The following SLC5A12 variants were observed in gnomAD, a reference collection of about 807,000 sequenced individuals.
The protein encoded by SLC5A12 is solute carrier family 5 member 12, also known as sodium-coupled monocarboxylate transporter 2.
Under a neutral mutation model 72.7 loss-of-function variants are expected in SLC5A12, and 46 were observed. That is an observed-to-expected ratio of 0.63 (90% CI 0.50 to 0.81). The LOEUF is 0.81. SLC5A12 is among the 30% of genes least tolerant of loss of function. The pLI is 0.00. For missense variants in SLC5A12, 683 were observed against 740.7 expected (o/e 0.92, Z 0.90); for synonymous variants, 275 against 264.4 (o/e 1.04, Z -0.39).
At chr11:26,711,882 A>G (rs1855238102) in intron 2 of SLC5A12, among the ~76,000 whole-genome samples, 1 of 152,108 alleles carries the variant, frequency 6.6e-6, no homozygotes. Context: ...CAGAAGTGCA[A>G]CCACTACCCT....
chr11:26,713,034 TC>T, intron 1 of SLC5A12, among the ~76,000 whole-genome samples: 1 of 152,264 alleles, frequency 6.6e-6, no homozygotes, highest in Admixed American at 6.5e-5. Context: ...TCTTTGCTGC[TC>T]CAAATTTAGT....
intron 13 of SLC5A12, among the ~76,000 whole-genome samples, chr11:26,673,975 A>C (rs910746158): frequency 6.6e-6 from 1 of 152,042 alleles, no homozygotes; most frequent in Admixed American, 6.6e-5. Context: ...CTTTCACCCT[A>C]ACATCCTGAA....
intron 9 of SLC5A12, among the ~76,000 whole-genome samples, chr11:26,686,870 C>T (rs1485291152): frequency 2.0e-5 from 3 of 152,120 alleles, no homozygotes; most frequent in Admixed American, 6.5e-5. Flanking sequence ...CTAATCTAGA[C>T]AAAATTAGTG....
At chr11:26,700,646 C>T (rs1053882853) in intron 6 of SLC5A12, among the ~76,000 whole-genome samples, 6 of 152,074 alleles carry the variant, frequency 3.9e-5, no homozygotes, top group African/African-American at 4.8e-5. Context: ...GGACGTGATA[C>T]CCTGCATCAA....
At chr11:26,711,781 G>C (rs1397204213) in intron 2 of SLC5A12, among the ~76,000 whole-genome samples, 1 of 152,038 alleles carries the variant, frequency 6.6e-6, no homozygotes, top group African/African-American at 2.4e-5. Context: ...GAATTTAGAG[G>C]TGAGATAGAA....
In SLC5A12 at chr11:26,667,901, A is replaced by G. The variant is rs1304278863; in HGVS notation, c.*3201T>C. On this transcript the variant is annotated 3_prime_UTR_variant, in exon 15 of 15. Transcript: ENST00000396005. ...CACATCTTAAAAATCCTGAAGAGAA[A>G]TAATGAAACCATTTAAGTTAACATG... 3 of 152,014 alleles carry G rather than the reference A, an allele frequency of 2.0e-5. No homozygotes were observed. The highest frequency in any genetic ancestry group is 7.2e-5 in the African/African-American group (3 of 41,422). The allele number at this position is 152,014 out of a possible 1,614,324, so 9.4% of individuals were successfully genotyped here.
At chr11:26,693,942 G>C (rs184898893) in intron 8 of SLC5A12, among the ~76,000 whole-genome samples, 181 of 152,252 alleles carry the variant, frequency 1.2e-3, no homozygotes, top group South Asian at 5.0e-3. Context: ...AATAAGGAGA[G>C]AAGGGGATTA....
At position 26,673,525 on chromosome 11, in the gene SLC5A12, G is replaced by C; in HGVS notation, c.1584C>G (p.Arg528=). The part of the protein sequence containing the change: ...AGVIISLITG[R]QRGEDIQPLL... ...GTGGTTGAATATCCTCACCTCTTTG[G>C]CGACCTATTAACAAAAGAACAAATA... The change falls in exon 14 of 15, where the codon CGC becomes CGG. Residue 528 remains arginine (R), a synonymous_variant. Coordinates refer to ENST00000396005, the MANE Select transcript of SLC5A12 (RefSeq NM_178498.4). 3 of 1,602,808 alleles carry C rather than the reference G, an allele frequency of 1.9e-6. No homozygotes were observed. The highest frequency in any genetic ancestry group is 2.6e-6 in the Non-Finnish European group (3 of 1,175,122).
intron 10 of SLC5A12, among the ~76,000 whole-genome samples, 195 bp from the exon 11 acceptor site, chr11:26,684,038 G>GTC (rs2133150930): frequency 6.6e-6 from 1 of 151,952 alleles, no homozygotes; most frequent in African/African-American, 2.4e-5. Flanking sequence ...ATGTGTGTGT[G>GTC]TGTGTGTGTG....
intron 8 of SLC5A12, among the ~76,000 whole-genome samples, chr11:26,696,762 T>C (rs1222164349): frequency 1.3e-5 from 2 of 152,188 alleles, no homozygotes; most frequent in East Asian, 1.9e-4. Context: ...TGGCAGACTG[T>C]ATATATTGTA....
At position 26,669,187 on chromosome 11, in the gene SLC5A12, T is replaced by TTTCTTTATTTC. The variant is rs1854073553; in HGVS notation, c.*1914_*1915insGAAATAAAGAA. 1 of 110,942 alleles carries TTTCTTTATTTC rather than the reference T, an allele frequency of 9.0e-6. No individual in the cohort carries two copies. The highest frequency in any genetic ancestry group is 2.0e-5 in the Non-Finnish European group (1 of 50,896). The allele number at this position is 110,942 out of a possible 1,614,324, so 6.9% of individuals were successfully genotyped here. A position where few individuals can be genotyped will look rare whatever the true frequency, so the allele number is the denominator to read the frequency against. On this transcript the variant is annotated 3_prime_UTR_variant, in exon 15 of 15. Coordinates refer to ENST00000396005, the MANE Select transcript of SLC5A12 (RefSeq NM_178498.4). ...TGTCTTTTTCTTTCTTTCTTTCTTC[T>TTTCTTTATTTC]TTTCTTTCTTTCTTTCTTTCTTTCT...
At chr11:26,680,372 CATATATATATGTATATATATTCAT>C (rs1854377481) in intron 12 of SLC5A12, among the ~76,000 whole-genome samples, 1 of 83,558 alleles carries the variant, frequency 1.2e-5, no homozygotes, top group African/African-American at 3.5e-5. Context: ...TATATATATT[CATATATATATGTATATATATTCAT>C]ATATATATAT....
In SLC5A12 at chr11:26,693,334, C is replaced by T. The variant is rs1001296758; in HGVS notation, c.1041-733G>A. Among the ~76,000 whole-genome samples, 6 of 152,216 alleles carry T rather than the reference C, an allele frequency of 3.9e-5. No individual in the cohort carries two copies. In the East Asian group the frequency reaches 1.2e-3, roughly 29 times the overall value. On this transcript the variant is annotated intron_variant, in intron 8 of 14. Transcript: ENST00000396005. ...AAAAAGGAGCTGTTACATTCAACAA[C>T]CTAAAGCTACCAGAGTTGCTAGAAT...
At chr11:26,720,014 G>T (rs902257143) in intron 1 of SLC5A12, among the ~76,000 whole-genome samples, 1 of 152,090 alleles carries the variant, frequency 6.6e-6, no homozygotes, top group Non-Finnish European at 1.5e-5. Context: ...TTGTTTTAAG[G>T]CCAAAAGACT....
intron 11 of SLC5A12, among the ~76,000 whole-genome samples, chr11:26,681,930 C>A (rs755730165): frequency 6.6e-6 from 1 of 151,834 alleles, no homozygotes; most frequent in Non-Finnish European, 1.5e-5. Context: ...ATAGAAGAGG[C>A]CTTGGTAAGA....
At chr11:26,707,909 T>C (rs1355771037) in intron 4 of SLC5A12, among the ~76,000 whole-genome samples, 3 of 152,038 alleles carry the variant, frequency 2.0e-5, no homozygotes, top group Non-Finnish European at 4.4e-5. Flanking sequence ...TTGCAAAATC[T>C]GAAGTGCATC....
intron 14 of SLC5A12, among the ~76,000 whole-genome samples, 184 bp from the exon 15 acceptor site, chr11:26,671,435 C>A (rs1854140293): frequency 6.6e-6 from 1 of 152,076 alleles, no homozygotes; most frequent in Admixed American, 6.6e-5. Context: ...GGTACTATTT[C>A]TAATGATAAT....
rs1485642504 is a variant in SLC5A12, at chr11:26,667,316, T to C, written c.*3786A>G. 1 of 151,966 alleles carries C rather than the reference T, an allele frequency of 6.6e-6. No individual in the cohort carries two copies. Among genetic ancestry groups the C allele is most frequent in the African/African-American group, 2.4e-5 (1 of 41,422 alleles). The allele number at this position is 151,966 out of a possible 1,614,324, so 9.4% of individuals were successfully genotyped here. On this transcript the variant is annotated 3_prime_UTR_variant, in exon 15 of 15. Transcript: ENST00000396005. Reference sequence around the variant, plus strand: ...AATTAAGGGGAGACTCCTCTATTTTTTCCGTATCTGATCTTTGTAATAATG... The same window carrying C: ...AATTAAGGGGAGACTCCTCTATTTTCTCCGTATCTGATCTTTGTAATAATG...
intron 9 of SLC5A12, among the ~76,000 whole-genome samples, chr11:26,688,193 C>A (rs1400359102): frequency 6.6e-6 from 1 of 152,190 alleles, no homozygotes; most frequent in African/African-American, 2.4e-5. Flanking sequence ...GTGGAAATTT[C>A]ATAGACATCT....
Sources: gnomAD v4.1 joint callset for allele counts (sites outside exome capture counted in the v4.1 genomes callset) on GRCh38, gnomAD v4.1.1 for gene constraint, MANE v1.5 for transcripts, NCBI Gene and HGNC (gene_info 2026-07-23, HGNC 2026-07-21) for gene names.